The following ZNF804B variants were observed in gnomAD, a reference collection of about 807,000 sequenced individuals.
ZNF804B encodes zinc finger 804B.
A neutral mutation model predicts 101.4 loss-of-function variants in ZNF804B; 80 were observed. The ratio of observed to expected loss-of-function variants is 0.79; its 90% CI spans 0.66 to 0.95. ZNF804B has a LOEUF of 0.95. Ranked by LOEUF, ZNF804B falls within the 40% of genes least tolerant of loss-of-function variation. ZNF804B has a pLI of 0.00. For synonymous variants in ZNF804B, 622 were observed against 558.8 expected (o/e 1.11, Z -1.59); for missense variants, 1,673 against 1,561.9 (o/e 1.07, Z -1.20).
intron 1 of ZNF804B, among the ~76,000 whole-genome samples, chr7:89,125,695 T>A (rs1272222474): frequency 6.6e-6 from 1 of 152,108 alleles, no homozygotes; most frequent in Non-Finnish European, 1.5e-5. Flanking sequence ...TCCTTCAGTA[T>A]CTTAGCGTGT....
At chr7:89,261,025 A>C (rs1789705233) in intron 2 of ZNF804B, among the ~76,000 whole-genome samples, 1 of 152,220 alleles carries the variant, frequency 6.6e-6, no homozygotes, top group African/African-American at 2.4e-5. Context: ...TGTAGACAGG[A>C]ACTGCTCAAT....
intron 1 of ZNF804B, among the ~76,000 whole-genome samples, chr7:88,854,527 T>TTTCCTTTCCTTTCCTTCCCTTCCCTTCC (rs1791519535): frequency 5.0e-5 from 2 of 40,074 alleles, no homozygotes; most frequent in Middle Eastern, 0.012. Flanking sequence ...CTTTCCTTCC[T>TTTCCTTTCCTTTCCTTCCCTTCCCTTCC]TTCCTTCCTT....
chr7:88,899,107 G>C (rs1206893889), intron 1 of ZNF804B, among the ~76,000 whole-genome samples: 1 of 152,148 alleles, frequency 6.6e-6, no homozygotes, highest in South Asian at 2.1e-4. Flanking sequence ...CACAGTGCCA[G>C]AGCTTCTGAT....
At chr7:89,248,182 C>A (rs576113567) in intron 2 of ZNF804B, among the ~76,000 whole-genome samples, 1 of 152,132 alleles carries the variant, frequency 6.6e-6, no homozygotes, top group Admixed American at 6.5e-5. Context: ...AGAAAACATA[C>A]ATAAGGGAAT....
intron 1 of ZNF804B, among the ~76,000 whole-genome samples, chr7:88,997,433 T>C (rs1788217682): frequency 6.6e-6 from 1 of 152,134 alleles, no homozygotes; most frequent in African/African-American, 2.4e-5. Context: ...TGTATTTTTG[T>C]TTTATCATAG....
chr7:88,950,429 C>G (rs747437901), intron 1 of ZNF804B, among the ~76,000 whole-genome samples: 17 of 151,802 alleles, frequency 1.1e-4, no homozygotes, highest in African/African-American at 4.1e-4. Flanking sequence ...TAATTATTTA[C>G]TATCTCATTC....
At chr7:88,900,852 A>G (rs1360144164) in intron 1 of ZNF804B, among the ~76,000 whole-genome samples, 1 of 151,720 alleles carries the variant, frequency 6.6e-6, no homozygotes, top group Non-Finnish European at 1.5e-5. Context: ...GGAAAAAAAA[A>G]CATTATACAG....
intron 1 of ZNF804B, among the ~76,000 whole-genome samples, chr7:89,048,044 C>T (rs1789139485): frequency 6.6e-6 from 1 of 152,072 alleles, no homozygotes; most frequent in African/African-American, 2.4e-5. Context: ...GTGCACACAT[C>T]ACCTGAGAAG....
chr7:88,855,745 A>G (rs1485842223), intron 1 of ZNF804B, among the ~76,000 whole-genome samples: 4 of 152,170 alleles, frequency 2.6e-5, no homozygotes, highest in Admixed American at 2.0e-4. Flanking sequence ...TAGGTCTAAC[A>G]TTTAAGTCTT....
At chr7:89,007,673 G>A (rs868800611) in intron 1 of ZNF804B, among the ~76,000 whole-genome samples, 2 of 147,342 alleles carry the variant, frequency 1.4e-5, no homozygotes, top group East Asian at 4.0e-4. Flanking sequence ...AAAAGCAGCT[G>A]TATAGAAGCA....
chr7:89,039,533 A>AT (rs1456792621), intron 1 of ZNF804B, among the ~76,000 whole-genome samples: 1 of 151,758 alleles, frequency 6.6e-6, no homozygotes, highest in Non-Finnish European at 1.5e-5. Context: ...ATATATGTTG[A>AT]TTTTGTCTTC....
At chr7:88,929,312 A>G (rs938579248) in intron 1 of ZNF804B, among the ~76,000 whole-genome samples, 1 of 151,336 alleles carries the variant, frequency 6.6e-6, no homozygotes, top group African/African-American at 2.4e-5. Context: ...ATCTTAGTGA[A>G]TCTTACTTTT....
At chr7:89,255,006 A>G (rs1189692671) in intron 2 of ZNF804B, among the ~76,000 whole-genome samples, 1 of 152,164 alleles carries the variant, frequency 6.6e-6, no homozygotes, top group African/African-American at 2.4e-5. Flanking sequence ...GTAATATATT[A>G]ATCTGTTCTC....
At chr7:88,770,141 A>G (rs1031473141) in intron 1 of ZNF804B, among the ~76,000 whole-genome samples, 13 of 152,190 alleles carry the variant, frequency 8.5e-5, no homozygotes, top group Non-Finnish European at 1.9e-4. Context: ...ACTTAAATAT[A>G]TCACTATGGT....
At chr7:89,284,242 G>C (rs1038934817) in intron 2 of ZNF804B, among the ~76,000 whole-genome samples, 2 of 152,192 alleles carry the variant, frequency 1.3e-5, no homozygotes, top group African/African-American at 4.8e-5. Flanking sequence ...ACTTAAAAAT[G>C]CCTTGTGATG....
At chr7:89,262,324 C>T (rs1562930681) in intron 2 of ZNF804B, among the ~76,000 whole-genome samples, 1 of 152,052 alleles carries the variant, frequency 6.6e-6, no homozygotes, top group Non-Finnish European at 1.5e-5. Flanking sequence ...TGCCTCTGGC[C>T]CATGCTCATT....
At chr7:89,100,623 A>G (rs1790040935) in intron 1 of ZNF804B, among the ~76,000 whole-genome samples, 1 of 152,102 alleles carries the variant, frequency 6.6e-6, no homozygotes. Flanking sequence ...ATAGGAAAAA[A>G]TCTAATAATC....
intron 1 of ZNF804B, among the ~76,000 whole-genome samples, chr7:88,829,522 A>AT (rs1791100453): frequency 6.6e-6 from 1 of 152,134 alleles, no homozygotes; most frequent in Non-Finnish European, 1.5e-5. Flanking sequence ...TTTAGCCAGA[A>AT]TTTGACATTA....
At chr7:88,988,670 T>A (rs888678785) in intron 1 of ZNF804B, among the ~76,000 whole-genome samples, 3 of 152,104 alleles carry the variant, frequency 2.0e-5, no homozygotes, top group African/African-American at 7.2e-5. Context: ...AATGTGAGGT[T>A]TAGAGACTGA....
Sources: gnomAD v4.1 joint callset for allele counts (sites outside exome capture counted in the v4.1 genomes callset) on GRCh38, gnomAD v4.1.1 for gene constraint, MANE v1.5 for transcripts, NCBI Gene and HGNC (gene_info 2026-07-23, HGNC 2026-07-21) for gene names.